The following ZNF318 variants were observed in gnomAD, a reference collection of about 807,000 sequenced individuals.
ZNF318 encodes zinc finger protein 318, also known as endocrine regulator.
In ZNF318, 51 loss-of-function variants were observed where a neutral mutation model predicts 124.2. That is an observed-to-expected ratio of 0.41 (90% CI 0.33 to 0.52). The LOEUF is 0.52. ZNF318 is among the 20% of genes least tolerant of loss of function. The probability of loss-of-function intolerance (pLI) is 0.23; values close to 1 mark genes in which losing one functional copy is unlikely to be tolerated. For synonymous variants in ZNF318, 1,090 were observed against 1,040.7 expected, an observed-to-expected ratio of 1.05 and a Z score of -0.91; for missense variants, 2,815 against 2,811.2, an observed-to-expected ratio of 1.00 and a Z score of -0.03.
chr6:43,357,044 G>T, intron 3 of ZNF318, 82 bp downstream of exon 3: 1 of 1,458,658 alleles, frequency 6.9e-7, no homozygotes, highest in South Asian at 1.3e-5. Context: ...ATACCATTAG[G>T]AACATAGCCC....
Position 43,339,672 on chromosome 6 carries a change from T to A in ZNF318, c.4326A>T (p.Pro1442=), listed in dbSNP as rs1160811713. The A allele has an allele frequency of 3.1e-6, 5 of 1,612,218 alleles. No individual in the cohort carries two copies. Among genetic ancestry groups the A allele is most frequent in the Non-Finnish European group, 4.2e-6 (5 of 1,179,732 alleles). ...GTGGAGGTGGGGGTGGTGGAGGAGG[T>A]GGTAGTATTTGTTCAGGTAAATGAG... ...EPSHLPEQIL[P]PPPPPPPPPP... is the part of the protein sequence containing the mutation. The change falls in exon 10 of 10, where the codon CCA becomes CCT. Residue 1442 remains proline (P), a synonymous_variant. Coordinates refer to ENST00000361428, the MANE Select transcript of ZNF318 (RefSeq NM_014345.3). The surrounding 1 kb of genome is among the most constrained non-coding windows in gnomAD (Gnocchi z 4.2).
At position 43,337,566 on chromosome 6, in the gene ZNF318, T is replaced by C. The variant is rs745595353; in HGVS notation, c.6432A>G (p.Gln2144=). ...MMPEEVKESS[Q]LDKQESLGLE... is the part of the protein sequence containing the mutation. The stretch of plus-strand genomic sequence containing the variant: ...ATCCGAGTGACTCTTGTTTGTCTAA[T>C]TGGGAAGATTCTTTTACTTCCTCAG... Residue 2144 remains glutamine, a synonymous_variant, in exon 10 of 10, where the codon CAA becomes CAG. Transcript: ENST00000361428. The C allele has an allele frequency of 3.1e-6, 5 of 1,614,126 alleles. No homozygotes were observed. The highest frequency in any genetic ancestry group is 2.2e-5 in the East Asian group (1 of 44,890).
At chr6:43,358,113 T>C (rs1379226252) in intron 2 of ZNF318, among the ~76,000 whole-genome samples, 5 of 152,222 alleles carry the variant, frequency 3.3e-5, no homozygotes. Context: ...TAGCATTACC[T>C]GGGAACTTTT....
chr6:43,337,623 C>A lies in ZNF318; in HGVS notation c.6375G>T (p.Gln2125His). 6.2e-7 allele frequency: 1 copy of A among 1,614,074 alleles called. No homozygotes were observed. Among genetic ancestry groups the A allele is most frequent in the Non-Finnish European group, 8.5e-7 (1 of 1,180,010 alleles). Residue 2125 changes from glutamine to histidine, a missense_variant, in exon 10 of 10, where the codon CAG becomes CAT. Coordinates refer to ENST00000361428, the MANE Select transcript of ZNF318 (RefSeq NM_014345.3). ...TTCCTCCTGCTAACAGGTCAAGGGCCTGGTGTGTTCCCTCTAGGCCCCCCA... is the reference window on the plus strand; with the variant it reads ...TTCCTCCTGCTAACAGGTCAAGGGCATGGTGTGTTCCCTCTAGGCCCCCCA... ...RGLGGLEGTH[Q>H]ALDLLAGGMM...
chr6:43,338,513 G>C lies in ZNF318; in HGVS notation c.5485C>G (p.Leu1829Val), dbSNP rs750749158. The C allele has an allele frequency of 1.2e-6, 2 of 1,614,152 alleles. No homozygotes were observed. The highest frequency in any genetic ancestry group is 1.3e-5 in the African/African-American group (1 of 75,044). The change falls in exon 10 of 10, where the codon CTA becomes GTA. Residue 1829 changes from leucine (L) to valine (V), a missense_variant. By Grantham distance (32) the Leu-to-Val change is conservative (BLOSUM62 1). Coordinates refer to ENST00000361428, the MANE Select transcript of ZNF318 (RefSeq NM_014345.3). ...WEGEVKQPNL[L>V]MIDKEAEQSN... ...TGTTCAGCCTCTTTGTCAATCATTA[G>C]CAAGTTGGGCTGTTTTACTTCTCCC...
chr6:43,342,224 G>A lies in ZNF318; in HGVS notation c.3277-13C>T, dbSNP rs898759535. The A allele has an allele frequency of 2.5e-6, 4 of 1,594,662 alleles. No individual in the cohort carries two copies. The highest frequency in any genetic ancestry group is 2.6e-6 in the Non-Finnish European group (3 of 1,168,190). ...AGGGATCCAGTGTCTATTTGTAAGA[G>A]GCAGAGGTGCTCACACAACAGCACT... is the stretch of plus-strand genomic sequence containing the variant. On this transcript the variant is annotated splice_polypyrimidine_tract_variant and intron_variant, in intron 7 of 9. Transcript: ENST00000361428.
Position 43,338,844 on chromosome 6 carries a change from C to A in ZNF318, c.5154G>T (p.Glu1718Asp). ...GTGGTCCTGGCTCTCCCAGGTCAAG[C>A]TCACTCTTCTCTGGAGATATATCCC... is the stretch of plus-strand genomic sequence containing the variant. Reference protein sequence around the residue: ...TSRDISPEKSELDLGEPGPPG... With the variant: ...TSRDISPEKSDLDLGEPGPPG... The change falls in exon 10 of 10, where the codon GAG becomes GAT. Residue 1718 changes from glutamate (E) to aspartate (D), a missense_variant. Glu to Asp is a conservative substitution (Grantham distance 45). Transcript: ENST00000361428. 6.2e-7 allele frequency: 1 copy of A among 1,614,156 alleles called. No individual in the cohort carries two copies. The highest frequency in any genetic ancestry group is 8.5e-7 in the Non-Finnish European group (1 of 1,180,038).
At chr6:43,342,053 G>A in intron 8 of ZNF318, 59 bp downstream of exon 8, 1 of 1,440,010 alleles carries the variant, frequency 6.9e-7, no homozygotes, top group South Asian at 1.1e-5. Flanking sequence ...TTAGTTCAGG[G>A]ACACCTCTTC....
intron 3 of ZNF318, among the ~76,000 whole-genome samples, chr6:43,356,523 C>A (rs1241219124): frequency 6.6e-6 from 1 of 152,166 alleles, no homozygotes; most frequent in African/African-American, 2.4e-5. Context: ...AACGCTAACT[C>A]ATCAGCATTC....
rs1779319959 is a variant in ZNF318, at chr6:43,338,374, C to A, written c.5624G>T (p.Arg1875Met). ...TGTATCTTGTGGGTTGAGTAAAGAC[C>A]TAGCTTCTGATAAAAATGAGTCTAA... ...AKLDSFLSEA[R>M]SLLNPQDTPV... Residue 1875 changes from arginine (R) to methionine (M), a missense_variant, in exon 10 of 10, where the codon AGG (arginine) becomes ATG (methionine). Arg to Met is a moderately conservative substitution (Grantham distance 91). This residue lies in a region of ZNF318 where 927 missense variants were observed against 820.6 expected (regional missense o/e 1.13). Coordinates refer to ENST00000361428, the MANE Select transcript of ZNF318 (RefSeq NM_014345.3). 1.9e-6 allele frequency: 3 copies of A among 1,614,054 alleles called. No homozygotes were observed. The highest frequency in any genetic ancestry group is 2.7e-5 in the African/African-American group (2 of 74,910).
At chr6:43,345,334 G>C (rs1779425245) in intron 6 of ZNF318, among the ~76,000 whole-genome samples, 1 of 151,444 alleles carries the variant, frequency 6.6e-6, no homozygotes, top group South Asian at 2.1e-4. Context: ...TGAACAGAAA[G>C]GGAAAGAAAA....
At position 43,348,448 on chromosome 6, in the gene ZNF318, T is replaced by A. The variant is rs773310215; in HGVS notation, c.2948A>T (p.Asn983Ile). Residue 983 changes from asparagine (N) to isoleucine (I), a missense_variant, in exon 6 of 10, where the codon AAC becomes ATC. By Grantham distance (149) the Asn-to-Ile change is moderately radical (BLOSUM62 -3). This residue lies in a region of ZNF318 where 1,377 missense variants were observed against 1,353.5 expected (regional missense o/e 1.02). Coordinates refer to ENST00000361428, the MANE Select transcript of ZNF318 (RefSeq NM_014345.3). ...AGACTTCTGGGATTTATCGAAGATG[T>A]TAATTCCCAAGATCTGAGCCACTTT... is the stretch of plus-strand genomic sequence containing the variant. Reference protein sequence around the residue: ...LDKVAQILGINIFDKSQKSLS... With the variant: ...LDKVAQILGIIIFDKSQKSLS... 1.9e-6 allele frequency: 3 copies of A among 1,614,062 alleles called. No homozygotes were observed.
At chr6:43,347,153 T>C (rs1279802059) in intron 6 of ZNF318, among the ~76,000 whole-genome samples, 2 of 152,094 alleles carry the variant, frequency 1.3e-5, no homozygotes, top group African/African-American at 4.8e-5. Flanking sequence ...AGAGTTCGAT[T>C]TGCATGGTAA....
chr6:43,347,181 T>C (rs1779459382), intron 6 of ZNF318, among the ~76,000 whole-genome samples: 1 of 152,108 alleles, frequency 6.6e-6, no homozygotes, highest in Non-Finnish European at 1.5e-5. Context: ...GAACAGAAAA[T>C]GTGAGGTCAC....
chr6:43,362,801 G>T (rs1207803650), intron 2 of ZNF318, among the ~76,000 whole-genome samples: 1 of 152,036 alleles, frequency 6.6e-6, no homozygotes, highest in Non-Finnish European at 1.5e-5. Context: ...ACTGCGCCAG[G>T]CCCAAACATC....
rs1037291690 is a variant in ZNF318, at chr6:43,357,209, G to A, written c.1105C>T (p.Arg369Trp). 3.1e-5 allele frequency: 50 copies of A among 1,614,134 alleles called. No homozygotes were observed. Among genetic ancestry groups the A allele is most frequent in the Non-Finnish European group, 3.9e-5 (46 of 1,180,030 alleles). Residue 369 changes from arginine to tryptophan, a missense_variant, in exon 3 of 10, where the codon CGG becomes TGG. Physicochemically the swap from Arg to Trp is moderately radical, Grantham distance 101 (BLOSUM62 -3). Transcript: ENST00000361428. ...GGCATCACAGATACTTCCTCAGGCC[G>A]ATGCAAAGAATATCCTGGCTCCGAT... Reference protein sequence around the residue: ...TASEPGYSLHRPEEVSVMPKK... With the variant: ...TASEPGYSLHWPEEVSVMPKK...
intron 1 of ZNF318, among the ~76,000 whole-genome samples, chr6:43,366,438 C>A (rs1779762253): frequency 6.6e-6 from 1 of 152,152 alleles, no homozygotes; most frequent in Admixed American, 6.5e-5. Flanking sequence ...CACACCCTCA[C>A]CTCCTTCAGA....
Position 43,340,205 on chromosome 6 carries a change from T to C in ZNF318, c.3793A>G (p.Lys1265Glu), listed in dbSNP as rs1779353235. ...AAAGAAGATGATGTTGGTGATTCCT[T>C]CTTTACCTCTTCTTTTAACTGGAGT... ...IKLQLKEEVK[K>E]ESPTSSSFGK... Residue 1265 changes from lysine to glutamate, a missense_variant, in exon 10 of 10, where the codon AAG (lysine) becomes GAG (glutamate). Physicochemically the swap from Lys to Glu is moderately conservative, Grantham distance 56. Coordinates refer to ENST00000361428, the MANE Select transcript of ZNF318 (RefSeq NM_014345.3). 1 of 1,614,078 alleles carries C rather than the reference T, an allele frequency of 6.2e-7. No individual in the cohort carries two copies. Among genetic ancestry groups the C allele is most frequent in the Non-Finnish European group, 8.5e-7 (1 of 1,180,040 alleles).
chr6:43,369,539 C>G lies in ZNF318; in HGVS notation c.-174G>C, dbSNP rs1247071386. ...GCGTCGCCCCGGGGGCCCGGCCGAG[C>G]GCGCCCCCGCGGCTGGCGGTTGGAG... On this transcript the variant is annotated 5_prime_UTR_variant, in exon 1 of 10. Coordinates refer to ENST00000361428, the MANE Select transcript of ZNF318 (RefSeq NM_014345.3). 3.6e-6 allele frequency: 1 copy of G among 274,084 alleles called. No homozygotes were observed. The highest frequency in any genetic ancestry group is 5.6e-6 in the Non-Finnish European group (1 of 180,178). 17.0% of individuals were successfully genotyped at this position (274,084 alleles called of 1,614,324 possible). A position where few individuals can be genotyped will look rare whatever the true frequency, so the allele number is the denominator to read the frequency against.
Sources: allele counts gnomAD v4.1 joint callset (sites outside exome capture counted in the v4.1 genomes callset), GRCh38; gene constraint gnomAD v4.1.1; regional missense constraint gnomAD v4.1.1; non-coding constraint Gnocchi (gnomAD v3.1); transcripts MANE v1.5; gene names NCBI Gene and HGNC (gene_info 2026-07-23, HGNC 2026-07-21).